PEAK1: variants seen among roughly 807,000 people sequenced by gnomAD.
The protein encoded by PEAK1 is pseudopodium enriched atypical kinase 1.
In PEAK1, 54 loss-of-function variants were observed where a neutral mutation model predicts 124.7. The observed-to-expected ratio is 0.43, with a 90% confidence interval of 0.35 to 0.54. The LOEUF (loss-of-function observed/expected upper bound fraction) is 0.54. Ranked by LOEUF, PEAK1 falls within the 20% of genes least tolerant of loss-of-function variation. PEAK1 has a pLI of 0.01. For synonymous variants in PEAK1, 719 were observed against 760.0 expected (o/e 0.95, Z 0.89); for missense variants, 2,046 against 2,134.5 (o/e 0.96, Z 0.82).
chr15:77,258,334 T>C lies in PEAK1; in HGVS notation c.-274-5808A>G, dbSNP rs986854045. On this transcript the variant is annotated intron_variant, in intron 5 of 9. Transcript: ENST00000682557. ...ACCTTGGGCAGTATGGCCTTTTTCA[T>C]GATATTGATTCTTCCTACCCATGAG... Among the ~76,000 whole-genome samples, 29 of 152,270 alleles carry C rather than the reference T, an allele frequency of 1.9e-4. No homozygotes were observed. The East Asian group carries it at 2.7e-3, about 14-fold the overall frequency.
At chr15:77,157,045 A>G (rs1355238588) in intron 8 of PEAK1, 1 of 152,182 alleles carries the variant, frequency 6.6e-6, no homozygotes, top group Non-Finnish European at 1.5e-5. Flanking sequence ...TGTATTTTCA[A>G]CTGCATATGG....
At chr15:77,255,311 T>C (rs753661972) in intron 5 of PEAK1, 2 of 866,536 alleles carry the variant, frequency 2.3e-6, no homozygotes, top group Non-Finnish European at 2.8e-6. Context: ...TGTTAACTTA[T>C]TTTACTAACA....
chr15:77,323,894 C>G (rs1216787378), intron 2 of PEAK1, among the ~76,000 whole-genome samples: 3 of 152,132 alleles, frequency 2.0e-5, no homozygotes, highest in Non-Finnish European at 4.4e-5. Context: ...TACTACAAGG[C>G]TACAGTTACC....
chr15:77,178,721 G>C, intron 7 of PEAK1, 69 bp downstream of exon 7: 2 of 1,444,006 alleles, frequency 1.4e-6, no homozygotes, highest in Non-Finnish European at 1.9e-6. Context: ...AATCTTAAAA[G>C]ATATAAAAAA....
At chr15:77,337,885 G>A (rs2066297383) in intron 2 of PEAK1, 1 of 985,170 alleles carries the variant, frequency 1.0e-6, no homozygotes, top group Non-Finnish European at 1.2e-6. Context: ...TGTCATATTA[G>A]TCTGTTCTCA....
At chr15:77,287,709 T>C (rs891866542) in intron 2 of PEAK1, among the ~76,000 whole-genome samples, 1 of 152,126 alleles carries the variant, frequency 6.6e-6, no homozygotes, top group African/African-American at 2.4e-5. Flanking sequence ...GACTCCTACA[T>C]CCAGTTGTTT....
chr15:77,122,037 G>C (rs1179610510), intron 9 of PEAK1, among the ~76,000 whole-genome samples: 3 of 152,126 alleles, frequency 2.0e-5, no homozygotes, highest in Non-Finnish European at 4.4e-5. Flanking sequence ...TCAATTCCTT[G>C]ATCTGCCTAG....
downstream of PEAK1, chr15:77,106,152 G>A (rs1164977565): frequency 6.6e-6 from 1 of 152,146 alleles, no homozygotes; most frequent in Non-Finnish European, 1.5e-5. Context: ...GGACCAAACT[G>A]GGGGTCAGGC....
Position 77,298,572 on chromosome 15 carries a change from C to A in PEAK1, c.-602-12068G>T, listed in dbSNP as rs1251358185. On this transcript the variant is annotated intron_variant, in intron 2 of 9. Coordinates refer to ENST00000682557, the MANE Select transcript of PEAK1 (RefSeq NM_001385026.1). ...CCAACAACTATCTCTTACCACATTT[C>A]TTATCTAGCCTCAAATTGCTGGACG... Among the ~76,000 whole-genome samples, 5 of 152,026 alleles carry A rather than the reference C, an allele frequency of 3.3e-5. 1 individual carries two copies. Among genetic ancestry groups the A allele is most frequent in the African/African-American group, 1.2e-4 (5 of 41,368 alleles).
intron 1 of PEAK1, chr15:77,419,585 C>G: frequency 1.0e-6 from 1 of 985,144 alleles, no homozygotes; most frequent in Non-Finnish European, 1.2e-6. Flanking sequence ...CCGGCAGGAG[C>G]CAGAGAAGCC....
intron 9 of PEAK1, among the ~76,000 whole-genome samples, chr15:77,116,713 T>A (rs867859859): frequency 6.4e-4 from 79 of 122,584 alleles, no homozygotes; most frequent in African/African-American, 1.9e-3. Context: ...TCTATCTATC[T>A]ATCTATCTAT....
chr15:77,230,074 A>AG (rs760623837), intron 6 of PEAK1, among the ~76,000 whole-genome samples: 30 of 152,310 alleles, frequency 2.0e-4, no homozygotes, highest in African/African-American at 5.8e-4. Context: ...ATTTCAAGTG[A>AG]GGGGGAGAAT....
chr15:77,131,065 G>C (rs2052814587), intron 9 of PEAK1, among the ~76,000 whole-genome samples: 1 of 152,154 alleles, frequency 6.6e-6, no homozygotes, highest in Non-Finnish European at 1.5e-5. Flanking sequence ...GAATGTAACT[G>C]GGCAAGAATT....
intron 2 of PEAK1, chr15:77,333,985 T>G: frequency 9.0e-6 from 4 of 442,828 alleles, no homozygotes; most frequent in Non-Finnish European, 1.2e-5. Context: ...TGCATCAAAT[T>G]CATAGATTTG....
At chr15:77,356,638 A>G (rs1435182392) in intron 2 of PEAK1, among the ~76,000 whole-genome samples, 1 of 151,008 alleles carries the variant, frequency 6.6e-6, no homozygotes, top group Non-Finnish European at 1.5e-5. Flanking sequence ...TAATCCCAGG[A>G]ATAAATTGAG....
At chr15:77,419,213 G>A (rs1166139445) in intron 1 of PEAK1, 3 of 985,146 alleles carry the variant, frequency 3.0e-6, no homozygotes, top group Non-Finnish European at 3.6e-6. Context: ...CGGGGGAGGA[G>A]GGTCTCTCCC....
intron 2 of PEAK1, among the ~76,000 whole-genome samples, chr15:77,319,729 C>T (rs2065081312): frequency 6.6e-6 from 1 of 152,136 alleles, no homozygotes; most frequent in Non-Finnish European, 1.5e-5. Context: ...CACCATCAAT[C>T]CCTCTTAAAT....
chr15:77,394,684 C>A (rs930566277), intron 1 of PEAK1, among the ~76,000 whole-genome samples: 2 of 152,270 alleles, frequency 1.3e-5, no homozygotes, highest in South Asian at 2.1e-4. Context: ...TACAAATAAG[C>A]CCAGATTGCA....
chr15:77,344,778 T>G (rs2066764801), intron 2 of PEAK1, among the ~76,000 whole-genome samples: 1 of 152,252 alleles, frequency 6.6e-6, no homozygotes, highest in South Asian at 2.1e-4. Context: ...CCTCCTTGGT[T>G]AATTTATTCA....
Sources: gnomAD v4.1 joint callset for allele counts (sites outside exome capture counted in the v4.1 genomes callset) on GRCh38, gnomAD v4.1.1 for gene constraint, MANE v1.5 for transcripts, NCBI Gene and HGNC (gene_info 2026-07-23, HGNC 2026-07-21) for gene names.